The following KATNAL2 variants were observed in gnomAD, a reference collection of about 807,000 sequenced individuals.
The protein encoded by KATNAL2 is katanin p60 ATPase-containing subunit A-like 2.
In KATNAL2, 52 loss-of-function variants were observed where a neutral mutation model predicts 76.3. The ratio of observed to expected loss-of-function variants is 0.68; its 90% confidence interval spans 0.55 to 0.86. The LOEUF (loss-of-function observed/expected upper bound fraction) is 0.86, where lower values mean the gene tolerates loss of function less well. KATNAL2 is among the 40% of genes least tolerant of loss of function. The pLI, the probability that KATNAL2 is intolerant of heterozygous loss-of-function variation, is 0.00. For synonymous variants in KATNAL2, 243 were observed against 244.2 expected, an observed-to-expected ratio of 1.00 and a Z score of 0.05; for missense variants, 660 against 668.9, an observed-to-expected ratio of 0.99 and a Z score of 0.15.
At position 47,054,454 on chromosome 18, in the gene KATNAL2, ATTC is replaced by A; in HGVS notation, c.332+22_332+24del. 1.2e-6 allele frequency: 2 copies of A among 1,611,634 alleles called. No individual in the cohort carries two copies. Among genetic ancestry groups the A allele is most frequent in the African/African-American group, 1.3e-5 (1 of 74,976 alleles). On this transcript the variant is annotated intron_variant, in intron 6 of 17. Coordinates refer to ENST00000683218, the MANE Select transcript of KATNAL2 (RefSeq NM_001387690.1). ...AGACCAGAAGGTAAAGTGAATGGTAATTCTTCTTAATCGACTCGGCTCGAGGAG... is the reference window on the plus strand; with the variant it reads ...AGACCAGAAGGTAAAGTGAATGGTAATTCTTAATCGACTCGGCTCGAGGAG...
intron 3 of KATNAL2, among the ~76,000 whole-genome samples, chr18:47,044,032 G>A (rs1046587313): frequency 6.6e-6 from 1 of 152,144 alleles, no homozygotes; most frequent in African/African-American, 2.4e-5. Flanking sequence ...ATGAAACAAT[G>A]ATATATTATT....
At chr18:46,944,649 C>T (rs898166206) in intron 1 of KATNAL2, among the ~76,000 whole-genome samples, 6 of 151,878 alleles carry the variant, frequency 4.0e-5, no homozygotes, top group Non-Finnish European at 8.8e-5. Context: ...GCAGGAGAAT[C>T]GCTTTAACTA....
intron 10 of KATNAL2, 150 bp from the exon 11 acceptor site, chr18:47,066,871 A>G (rs1599736120): frequency 3.6e-5 from 3 of 83,622 alleles, no homozygotes; most frequent in African/African-American, 1.3e-4. Context: ...ATATATATAT[A>G]TATATATATA....
rs374096853 is a variant in KATNAL2 at position 46,917,668 on chromosome 18, C to G, written c.-768C>G. The G allele has an allele frequency of 9.8e-6, 6 of 615,230 alleles. No individual in the cohort carries two copies. The highest frequency in any genetic ancestry group is 6.0e-5 in the African/African-American group (3 of 49,988). The allele number at this position is 615,230 out of a possible 1,614,324, so 38.1% of individuals were successfully genotyped here. A position where few individuals can be genotyped will look rare whatever the true frequency, so the allele number is the denominator to read the frequency against. On this transcript the variant is annotated 5_prime_UTR_variant, in exon 1 of 18. Transcript: ENST00000683218. ...TGCTGCCCCGCGGCTTGGCCCCGCT[C>G]GGCCCCAGGTCGTGCCTTCCCTCCC...
chr18:47,069,028 A>G (rs193044360), intron 11 of KATNAL2, among the ~76,000 whole-genome samples, 192 bp from the exon 12 acceptor site: 9 of 152,322 alleles, frequency 5.9e-5, no homozygotes, highest in African/African-American at 2.2e-4. Flanking sequence ...ATTCTAATCA[A>G]GCGTGAAAAT....
chr18:47,056,436 A>G (rs1007782657), intron 6 of KATNAL2, among the ~76,000 whole-genome samples: 26 of 152,196 alleles, frequency 1.7e-4, no homozygotes, highest in African/African-American at 6.3e-4. Context: ...AAATGACTAG[A>G]GCAACTGCAG....
chr18:47,062,859 G>GT (rs1415742613), intron 8 of KATNAL2, 113 bp from the exon 9 acceptor site: 1 of 667,474 alleles, frequency 1.5e-6, no homozygotes, highest in Non-Finnish European at 2.5e-6. Flanking sequence ...TTAACTTGAA[G>GT]TTTGCCCTAT....
Position 47,033,131 on chromosome 18 carries a change from G to T in KATNAL2, c.52-13326G>T, listed in dbSNP as rs369081623. On this transcript the variant is annotated intron_variant, in intron 3 of 17. Transcript: ENST00000683218. ...TGCTCATTGCTGCTGCTCAGGCAGG[G>T]GTTGGCCCGCTTCTCAGGGAGCCAG... The T allele has an allele frequency of 8.1e-6, 13 of 1,613,994 alleles. No individual in the cohort carries two copies. The South Asian group carries it at 9.9e-5, about 12-fold the overall frequency.
intron 3 of KATNAL2, chr18:47,033,223 C>T: frequency 6.2e-7 from 1 of 1,613,896 alleles, no homozygotes; most frequent in Non-Finnish European, 8.5e-7. Flanking sequence ...AGTGTGGCTG[C>T]TTCCCGCGGG....
intron 3 of KATNAL2, among the ~76,000 whole-genome samples, chr18:47,040,759 C>T (rs1599623123): frequency 6.6e-6 from 1 of 152,036 alleles, no homozygotes; most frequent in Non-Finnish European, 1.5e-5. Context: ...ATGGTGAGAT[C>T]CCTGTCTCTA....
chr18:46,919,040 A>G (rs2058349040), intron 1 of KATNAL2, among the ~76,000 whole-genome samples: 1 of 151,532 alleles, frequency 6.6e-6, no homozygotes, highest in Non-Finnish European at 1.5e-5. Context: ...TGTTGTGTAT[A>G]TATACACAAC....
At chr18:46,957,340 G>A (rs1466475111) in intron 3 of KATNAL2, among the ~76,000 whole-genome samples, 2 of 136,294 alleles carry the variant, frequency 1.5e-5, no homozygotes, top group Non-Finnish European at 3.1e-5. Flanking sequence ...TGCAGGCTCC[G>A]CCCCCCGGGG....
chr18:46,959,662 C>A (rs546701798), intron 3 of KATNAL2, among the ~76,000 whole-genome samples: 5 of 152,290 alleles, frequency 3.3e-5, no homozygotes, highest in African/African-American at 1.2e-4. Context: ...CAACCTCCGC[C>A]TCCCAGGTTC....
chr18:46,948,686 C>G (rs758985286), intron 3 of KATNAL2, among the ~76,000 whole-genome samples: 1 of 152,020 alleles, frequency 6.6e-6, no homozygotes, highest in Non-Finnish European at 1.5e-5. Context: ...CCTTGGCCTC[C>G]CAAAGTGCTG....
chr18:47,061,681 C>T (rs1352431278), intron 8 of KATNAL2, among the ~76,000 whole-genome samples: 2 of 152,140 alleles, frequency 1.3e-5, no homozygotes, highest in Non-Finnish European at 2.9e-5. Context: ...GGCTCAGATG[C>T]TCCCCCACTA....
chr18:47,100,829 C>A, intron 17 of KATNAL2, 37 bp from the exon 18 acceptor site: 1 of 1,612,812 alleles, frequency 6.2e-7, no homozygotes, highest in South Asian at 1.1e-5. Context: ...ACCAAGAGGT[C>A]GATTGTTGTG....
chr18:47,082,475 C>T (rs2062573058), intron 15 of KATNAL2, among the ~76,000 whole-genome samples: 1 of 152,068 alleles, frequency 6.6e-6, no homozygotes, highest in Non-Finnish European at 1.5e-5. Context: ...GCTAAACTCA[C>T]AATGTTTATT....
intron 6 of KATNAL2, chr18:47,054,719 C>T: frequency 2.8e-6 from 1 of 351,612 alleles, no homozygotes; most frequent in Non-Finnish European, 5.1e-6. Flanking sequence ...GTTAAAAGAC[C>T]CAGGTTCAAC....
rs2063437092 is a variant in KATNAL2, at chr18:47,101,435, C to T, written c.*430C>T. 5.7e-6 allele frequency: 1 copy of T among 175,760 alleles called. No homozygotes were observed. The highest frequency in any genetic ancestry group is 1.3e-4 in the South Asian group (1 of 7,508). 10.9% of individuals were successfully genotyped at this position (175,760 alleles called of 1,614,324 possible). On this transcript the variant is annotated 3_prime_UTR_variant, in exon 18 of 18. Coordinates refer to ENST00000683218, the MANE Select transcript of KATNAL2 (RefSeq NM_001387690.1). ...ACAGGCACTGCCCAGCTGACAGTCC[C>T]AGGGTGAAGGAGGACGGAAGCAGGG...
Sources: allele counts gnomAD v4.1 joint callset (sites outside exome capture counted in the v4.1 genomes callset), GRCh38; gene constraint gnomAD v4.1.1; transcripts MANE v1.5; gene names NCBI Gene and HGNC (gene_info 2026-07-23, HGNC 2026-07-21).